Variants in KCNAB1 observed in about 807,000 individuals in gnomAD.
The protein encoded by KCNAB1 is voltage-gated potassium channel subunit beta-1.
Under a neutral mutation model 64.6 loss-of-function variants are expected in KCNAB1, and 35 were observed. The observed-to-expected ratio is 0.54, with a 90% CI of 0.41 to 0.72. KCNAB1 has a LOEUF of 0.72. Ranked by LOEUF, KCNAB1 falls within the 30% of genes least tolerant of loss-of-function variation. KCNAB1 has a pLI of 0.00. For missense variants in KCNAB1, 401 were observed against 512.9 expected (o/e 0.78, Z 2.11); for synonymous variants, 177 against 183.8 (o/e 0.96, Z 0.30).
At chr3:156,193,184 G>T (rs1713674950) in intron 1 of KCNAB1, among the ~76,000 whole-genome samples, 1 of 151,536 alleles carries the variant, frequency 6.6e-6, no homozygotes, top group Non-Finnish European at 1.5e-5. Flanking sequence ...TTTAGTCATT[G>T]CTTTAGGGTG....
chr3:156,479,937 G>A (rs992926690), intron 8 of KCNAB1, among the ~76,000 whole-genome samples: 2 of 152,024 alleles, frequency 1.3e-5, no homozygotes, highest in East Asian at 1.9e-4. Context: ...CTTTTTTAGT[G>A]TTGTCATGTG....
chr3:156,182,727 T>G lies in KCNAB1; in HGVS notation c.275+61841T>G, dbSNP rs1712927167. On this transcript the variant is annotated intron_variant, in intron 1 of 13. Coordinates refer to ENST00000490337, the MANE Select transcript of KCNAB1 (RefSeq NM_172160.3). Reference sequence around the variant, plus strand: ...TTTTTTTTTTTTATTTTGCGGAGTCTCTCTCTGTTGCCCGGGGTTGGAGTG... The same window carrying G: ...TTTTTTTTTTTTATTTTGCGGAGTCGCTCTCTGTTGCCCGGGGTTGGAGTG... Among the ~76,000 whole-genome samples, 6 of 149,026 alleles carry G rather than the reference T, an allele frequency of 4.0e-5. No individual in the cohort carries two copies. The Admixed American group carries it at 4.1e-4, about 10-fold the overall frequency.
rs76112126 is a variant in KCNAB1, at chr3:156,512,676, A to G, written c.659-1688A>G. 1.6e-4 allele frequency among the ~76,000 whole-genome samples: 24 copies of G among 152,386 alleles called. No homozygotes were observed. In the East Asian group the frequency reaches 4.6e-3, roughly 29 times the overall value. ...CTGGAACTGTTTATCATAGGCACGCATCTCCATTTGTATAATGAAAGAGAA... is the reference window on the plus strand; with the variant it reads ...CTGGAACTGTTTATCATAGGCACGCGTCTCCATTTGTATAATGAAAGAGAA... On this transcript the variant is annotated intron_variant, in intron 8 of 13. Coordinates refer to ENST00000490337, the MANE Select transcript of KCNAB1 (RefSeq NM_172160.3).
At chr3:156,247,702 A>G (rs185195673) in intron 1 of KCNAB1, among the ~76,000 whole-genome samples, 2 of 152,142 alleles carry the variant, frequency 1.3e-5, no homozygotes, top group Non-Finnish European at 2.9e-5. Context: ...AGCTAGGACT[A>G]CAGGCATGAA....
chr3:156,163,241 G>A (rs1386976491), intron 1 of KCNAB1, among the ~76,000 whole-genome samples: 1 of 152,146 alleles, frequency 6.6e-6, no homozygotes, highest in African/African-American at 2.4e-5. Flanking sequence ...ATATAAAACA[G>A]CCTCATCATC....
intron 1 of KCNAB1, among the ~76,000 whole-genome samples, chr3:156,406,930 G>C (rs532562426): frequency 6.6e-6 from 1 of 152,152 alleles, no homozygotes; most frequent in Admixed American, 6.5e-5. Flanking sequence ...TCACCAGTAT[G>C]GGAGTGTGAC....
intron 2 of KCNAB1, among the ~76,000 whole-genome samples, chr3:156,440,095 T>A (rs191441226): frequency 3.2e-4 from 49 of 152,392 alleles, no homozygotes; most frequent in African/African-American, 1.1e-3. Context: ...ATCATTCATA[T>A]AACATTTCAT....
chr3:156,368,459 C>T (rs1263726832), intron 1 of KCNAB1, among the ~76,000 whole-genome samples: 1 of 152,194 alleles, frequency 6.6e-6, no homozygotes, highest in Non-Finnish European at 1.5e-5. Context: ...CAGGGTCTCT[C>T]TCTGTTGCCC....
At chr3:156,257,800 TG>T (rs1718185380) in intron 1 of KCNAB1, among the ~76,000 whole-genome samples, 1 of 152,196 alleles carries the variant, frequency 6.6e-6, no homozygotes, top group Non-Finnish European at 1.5e-5. Context: ...AGAAAGGACC[TG>T]TCAATCCTTT....
At chr3:156,259,117 A>C (rs1406005838) in intron 1 of KCNAB1, among the ~76,000 whole-genome samples, 2 of 152,238 alleles carry the variant, frequency 1.3e-5, no homozygotes, top group African/African-American at 4.8e-5. Flanking sequence ...TAGTGACTCA[A>C]TGCTGTAGAA....
intron 1 of KCNAB1, among the ~76,000 whole-genome samples, chr3:156,221,622 AC>A (rs1471501567): frequency 6.6e-6 from 1 of 152,094 alleles, no homozygotes; most frequent in Non-Finnish European, 1.5e-5. Flanking sequence ...TACTAAAAAT[AC>A]AAAAATTAGC....
chr3:156,236,903 C>T (rs1292123004), intron 1 of KCNAB1, among the ~76,000 whole-genome samples: 1 of 151,986 alleles, frequency 6.6e-6, no homozygotes, highest in East Asian at 1.9e-4. Flanking sequence ...TTTCAACACA[C>T]TAAATTTAAT....
At chr3:156,256,140 G>C (rs1718086897) in intron 1 of KCNAB1, among the ~76,000 whole-genome samples, 1 of 152,146 alleles carries the variant, frequency 6.6e-6, no homozygotes, top group African/African-American at 2.4e-5. Flanking sequence ...TGTTTCTTTA[G>C]GTTTTTTGTG....
chr3:156,275,303 T>TA (rs1267933216), intron 1 of KCNAB1, among the ~76,000 whole-genome samples: 2 of 152,352 alleles, frequency 1.3e-5, no homozygotes, highest in South Asian at 2.1e-4. Context: ...ACTTTATTGC[T>TA]AAAAAAGTGC....
intron 1 of KCNAB1, among the ~76,000 whole-genome samples, chr3:156,354,120 G>GTGTGTATATATA (rs372765461): frequency 7.5e-6 from 1 of 132,562 alleles, no homozygotes; most frequent in Non-Finnish European, 1.6e-5. Context: ...ATGTGTGTGT[G>GTGTGTATATATA]TATATATATA....
At chr3:156,231,710 T>G (rs1297846088) in intron 1 of KCNAB1, among the ~76,000 whole-genome samples, 1 of 152,048 alleles carries the variant, frequency 6.6e-6, no homozygotes, top group Non-Finnish European at 1.5e-5. Flanking sequence ...TCCTTTGCCT[T>G]AACCAGAACA....
intron 1 of KCNAB1, among the ~76,000 whole-genome samples, chr3:156,331,220 A>G (rs1238160894): frequency 2.0e-5 from 3 of 152,338 alleles, no homozygotes; most frequent in Admixed American, 6.5e-5. Context: ...TTTTCTGAAC[A>G]CTTAACAGCA....
At chr3:156,232,286 G>A (rs1716577570) in intron 1 of KCNAB1, among the ~76,000 whole-genome samples, 1 of 152,168 alleles carries the variant, frequency 6.6e-6, no homozygotes, top group Admixed American at 6.6e-5. Context: ...GTGATCATAT[G>A]AAAATAAAGT....
At chr3:156,534,881 CT>C (rs1267532864) in intron 13 of KCNAB1, among the ~76,000 whole-genome samples, 1 of 152,094 alleles carries the variant, frequency 6.6e-6, no homozygotes, top group African/African-American at 2.4e-5. Context: ...TCTTGTGATA[CT>C]ATGTCTTGTT....
Sources: gnomAD v4.1 joint callset for allele counts (sites outside exome capture counted in the v4.1 genomes callset) on GRCh38, gnomAD v4.1.1 for gene constraint, MANE v1.5 for transcripts, NCBI Gene and HGNC (gene_info 2026-07-23, HGNC 2026-07-21) for gene names.